CATSPERE: variants seen among roughly 807,000 people sequenced by gnomAD.
The protein encoded by CATSPERE is cation channel sperm-associated auxiliary subunit epsilon.
In CATSPERE, 93 loss-of-function variants were observed where a neutral mutation model predicts 114.1. That is an observed-to-expected ratio of 0.81 (90% CI 0.69 to 0.97). The LOEUF (loss-of-function observed/expected upper bound fraction) is 0.97, where lower values mean the gene tolerates loss of function less well. CATSPERE is among the 50% of genes least tolerant of loss of function. The probability of loss-of-function intolerance (pLI) is 0.00; values close to 1 mark genes in which losing one functional copy is unlikely to be tolerated. For missense variants in CATSPERE, 1,058 were observed against 1,131.6 expected (o/e 0.93, Z 0.93); for synonymous variants, 341 against 384.1 (o/e 0.89, Z 1.31).
chr1:244,631,067 T>C (rs1293242433), intron 20 of CATSPERE, among the ~76,000 whole-genome samples: 1 of 152,162 alleles, frequency 6.6e-6, no homozygotes, highest in East Asian at 1.9e-4. Flanking sequence ...CATATTGCTC[T>C]CTAGAACTTG....
At chr1:244,635,587 G>C (rs1297193469) in intron 21 of CATSPERE, 45 bp downstream of exon 21, 1 of 1,455,662 alleles carries the variant, frequency 6.9e-7, no homozygotes, top group East Asian at 2.3e-5. Flanking sequence ...GAATTTCTAA[G>C]ACACAAATGG....
chr1:244,540,244 T>C (rs1469105213), intron 8 of CATSPERE, among the ~76,000 whole-genome samples: 1 of 150,546 alleles, frequency 6.6e-6, no homozygotes, highest in African/African-American at 2.5e-5. Flanking sequence ...GACATGATTG[T>C]ATATCTAGAA....
intron 1 of CATSPERE, 148 bp downstream of exon 1, chr1:244,461,642 C>G: frequency 1.9e-6 from 1 of 524,090 alleles, no homozygotes; most frequent in South Asian, 9.3e-5. Flanking sequence ...CAACACCAGC[C>G]CCAGTGTCCC....
intron 20 of CATSPERE, among the ~76,000 whole-genome samples, chr1:244,622,727 C>G (rs1350903484): frequency 6.6e-6 from 1 of 152,132 alleles, no homozygotes; most frequent in South Asian, 2.1e-4. Context: ...CACTTTGGTT[C>G]TTAGATTCCC....
chr1:244,530,848 A>G (rs1202821616), intron 8 of CATSPERE, among the ~76,000 whole-genome samples: 1 of 152,028 alleles, frequency 6.6e-6, no homozygotes, highest in Non-Finnish European at 1.5e-5. Context: ...ACTGATTTTT[A>G]TATGTTGATT....
intron 7 of CATSPERE, among the ~76,000 whole-genome samples, chr1:244,514,126 C>T (rs745772569): frequency 1.6e-4 from 24 of 152,018 alleles, no homozygotes; most frequent in South Asian, 6.2e-4. Flanking sequence ...TTTTGTTACC[C>T]GGGCTTTTGG....
At chr1:244,574,041 C>A (rs1302319486) in intron 11 of CATSPERE, among the ~76,000 whole-genome samples, 2 of 152,150 alleles carry the variant, frequency 1.3e-5, no homozygotes, top group Non-Finnish European at 2.9e-5. Context: ...AATTTTTATC[C>A]TTTACAGGGC....
intron 20 of CATSPERE, among the ~76,000 whole-genome samples, chr1:244,623,643 A>G (rs1252283650): frequency 1.3e-5 from 2 of 152,166 alleles, no homozygotes; most frequent in African/African-American, 4.8e-5. Context: ...ACTACCAAAT[A>G]CAGGCGCACC....
intron 20 of CATSPERE, among the ~76,000 whole-genome samples, chr1:244,618,354 C>G (rs148771931): frequency 2.0e-5 from 3 of 152,280 alleles, no homozygotes; most frequent in East Asian, 1.9e-4. Flanking sequence ...GACAAACTTA[C>G]AGCAATTCAT....
intron 5 of CATSPERE, among the ~76,000 whole-genome samples, chr1:244,486,071 A>G (rs551658290): frequency 1.3e-5 from 2 of 152,266 alleles, no homozygotes; most frequent in African/African-American, 4.8e-5. Flanking sequence ...TACATCCAAA[A>G]TTGGCTACAT....
chr1:244,518,559 TAATAAAA>T (rs1238179727), intron 7 of CATSPERE, 26 bp from the exon 8 acceptor site: 4 of 1,282,312 alleles, frequency 3.1e-6, no homozygotes, highest in Admixed American at 1.8e-5. Flanking sequence ...GCTATGAAAA[TAATAAAA>T]AATGAAATTT....
intron 20 of CATSPERE, among the ~76,000 whole-genome samples, chr1:244,626,283 C>T (rs1003468466): frequency 1.3e-5 from 2 of 151,806 alleles, no homozygotes; most frequent in Non-Finnish European, 1.5e-5. Flanking sequence ...ATCAGGAGTT[C>T]GAAACCAGCC....
At chr1:244,482,422 C>T (rs1033992188) in intron 5 of CATSPERE, among the ~76,000 whole-genome samples, 1 of 151,788 alleles carries the variant, frequency 6.6e-6, no homozygotes, top group Admixed American at 6.6e-5. Flanking sequence ...GGAAACATAG[C>T]AAGACTTGTC....
In CATSPERE at chr1:244,617,539, A is replaced by C; in HGVS notation, c.2501A>C (p.His834Pro). The change falls in exon 20 of 22, where the codon CAC (histidine) becomes CCC (proline). Residue 834 changes from histidine (H) to proline (P), a missense_variant. His to Pro is a moderately conservative substitution (Grantham distance 77). This residue lies in a region of CATSPERE where 787 missense variants were observed against 905.6 expected (regional missense o/e 0.87). Coordinates refer to ENST00000366534, the MANE Select transcript of CATSPERE (RefSeq NM_001130957.2). ...TTGTTTCTTGTTCAGAACTATAAAC[A>C]CTGTTTTTCTTATGCTATTGGAAAA... The part of the protein sequence containing the change: ...EEVWGPENYK[H>P]CFSYAIGKPG... The C allele has an allele frequency of 6.6e-7, 1 of 1,517,058 alleles. No homozygotes were observed. Among genetic ancestry groups the C allele is most frequent in the Non-Finnish European group, 8.8e-7 (1 of 1,137,456 alleles). 94.0% of individuals were successfully genotyped at this position (1,517,058 alleles called of 1,614,324 possible).
intron 17 of CATSPERE, among the ~76,000 whole-genome samples, chr1:244,600,092 G>A (rs965778857): frequency 1.3e-5 from 2 of 152,080 alleles, no homozygotes; most frequent in African/African-American, 2.4e-5. Flanking sequence ...AGGACGTGAC[G>A]GGACTCCCTC....
chr1:244,611,835 T>C (rs1046267882), intron 19 of CATSPERE, among the ~76,000 whole-genome samples: 14 of 152,222 alleles, frequency 9.2e-5, no homozygotes, highest in Non-Finnish European at 1.5e-5. Flanking sequence ...GCTCACTGGG[T>C]AATTAACAAT....
intron 10 of CATSPERE, among the ~76,000 whole-genome samples, chr1:244,571,395 A>G (rs919164995): frequency 1.3e-5 from 2 of 152,210 alleles, no homozygotes; most frequent in Non-Finnish European, 2.9e-5. Flanking sequence ...TACACAGAGA[A>G]TGTCATATCT....
intron 10 of CATSPERE, among the ~76,000 whole-genome samples, chr1:244,561,525 A>G (rs1466256156): frequency 1.3e-5 from 2 of 152,164 alleles, no homozygotes; most frequent in African/African-American, 4.8e-5. Flanking sequence ...ATGACTTCAC[A>G]GTTCTGGAGG....
chr1:244,517,316 T>G (rs1676804067), intron 7 of CATSPERE, among the ~76,000 whole-genome samples: 1 of 152,066 alleles, frequency 6.6e-6, no homozygotes, highest in Non-Finnish European at 1.5e-5. Flanking sequence ...TACTTCCATC[T>G]TACTCTTTGC....
Sources: allele counts gnomAD v4.1 joint callset (sites outside exome capture counted in the v4.1 genomes callset), GRCh38; gene constraint gnomAD v4.1.1; regional missense constraint gnomAD v4.1.1; transcripts MANE v1.5; gene names NCBI Gene and HGNC (gene_info 2026-07-23, HGNC 2026-07-21).